The following NCALD variants were observed in gnomAD, a reference collection of about 807,000 sequenced individuals.
NCALD encodes the protein neurocalcin delta.
A neutral mutation model predicts 18.6 loss-of-function variants in NCALD; 10 were observed. The ratio of observed to expected loss-of-function variants is 0.54; its 90% CI spans 0.33 to 0.91. The LOEUF (loss-of-function observed/expected upper bound fraction) is 0.91. Ranked by LOEUF, NCALD falls within the 40% of genes least tolerant of loss-of-function variation. The probability of loss-of-function intolerance (pLI) is 0.03; values close to 1 mark genes in which losing one functional copy is unlikely to be tolerated. For synonymous variants in NCALD, 88 were observed against 87.4 expected (o/e 1.01, Z -0.04); for missense variants, 184 against 247.6 (o/e 0.74, Z 1.72).
chr8:101,787,405 G>C (rs896632456), intron 1 of NCALD, among the ~76,000 whole-genome samples: 1 of 152,112 alleles, frequency 6.6e-6, no homozygotes, highest in Non-Finnish European at 1.5e-5. Context: ...CGAGGGATTT[G>C]GATTGAATTT....
chr8:102,106,466 T>TATATATATATATATAC (rs1554598545), intron 1 of NCALD, among the ~76,000 whole-genome samples: 17 of 139,104 alleles, frequency 1.2e-4, no homozygotes, highest in African/African-American at 3.7e-4. Flanking sequence ...TATATATATA[T>TATATATATATATATAC]ACACACACAC....
intron 2 of NCALD, among the ~76,000 whole-genome samples, chr8:101,983,698 C>T (rs934080256): frequency 2.0e-5 from 3 of 152,200 alleles, no homozygotes; most frequent in African/African-American, 7.2e-5. Context: ...TTTTATGGAA[C>T]GTAGCAATGG....
intron 3 of NCALD, among the ~76,000 whole-genome samples, chr8:101,887,994 A>G (rs1160659792): frequency 1.3e-5 from 2 of 152,198 alleles, no homozygotes; most frequent in Admixed American, 1.3e-4. Context: ...GTTCAAGATC[A>G]TATATCTATC....
At chr8:101,705,403 C>T (rs532745143) in intron 2 of NCALD, among the ~76,000 whole-genome samples, 4 of 152,198 alleles carry the variant, frequency 2.6e-5, no homozygotes, top group South Asian at 2.1e-4. Context: ...AGGACCTGAT[C>T]GGAGGCAGGA....
chr8:102,108,694 C>T (rs1825552048), intron 1 of NCALD, among the ~76,000 whole-genome samples: 1 of 152,102 alleles, frequency 6.6e-6, no homozygotes, highest in African/African-American at 2.4e-5. Context: ...GTATTTCCCA[C>T]ATCTGACATA....
At chr8:101,820,796 C>G (rs1813689562) in intron 4 of NCALD, among the ~76,000 whole-genome samples, 1 of 152,166 alleles carries the variant, frequency 6.6e-6, no homozygotes, top group Admixed American at 6.5e-5. Context: ...CTTAACTTCT[C>G]CAAAACAATA....
chr8:102,069,037 G>A (rs1416932110), intron 1 of NCALD, among the ~76,000 whole-genome samples: 1 of 152,264 alleles, frequency 6.6e-6, no homozygotes, highest in East Asian at 1.9e-4. Flanking sequence ...TGAGGGGAGT[G>A]GAGGATGGGA....
chr8:102,102,308 C>T (rs1010268607), intron 1 of NCALD, among the ~76,000 whole-genome samples: 1 of 152,138 alleles, frequency 6.6e-6, no homozygotes, highest in Admixed American at 6.5e-5. Flanking sequence ...AATACGGCAA[C>T]GAGGAAAGCA....
At chr8:101,775,102 G>A (rs1342050913) in intron 1 of NCALD, among the ~76,000 whole-genome samples, 1 of 152,122 alleles carries the variant, frequency 6.6e-6, no homozygotes, top group Admixed American at 6.5e-5. Context: ...TACTGGCATC[G>A]GATCTCTTTG....
At chr8:101,880,944 T>A (rs1816469878) in intron 4 of NCALD, among the ~76,000 whole-genome samples, 1 of 152,190 alleles carries the variant, frequency 6.6e-6, no homozygotes, top group Non-Finnish European at 1.5e-5. Context: ...TCGAATGTCA[T>A]GAAAAGGACT....
intron 1 of NCALD, among the ~76,000 whole-genome samples, chr8:101,775,244 C>T (rs1379063268): frequency 6.6e-6 from 1 of 152,192 alleles, no homozygotes; most frequent in Non-Finnish European, 1.5e-5. Context: ...CAAGGCCTAA[C>T]ATAGTGCCTG....
intron 4 of NCALD, among the ~76,000 whole-genome samples, chr8:101,861,477 C>T (rs1815539920): frequency 6.6e-6 from 1 of 151,634 alleles, no homozygotes; most frequent in African/African-American, 2.4e-5. Context: ...GAACAAAGAC[C>T]TCATGAGAAA....
chr8:102,003,055 C>CA (rs767573337), intron 2 of NCALD, among the ~76,000 whole-genome samples: 2,834 of 150,636 alleles, frequency 0.019, 39 homozygotes, highest in South Asian at 0.05. Flanking sequence ...AACAGAGACA[C>CA]AAAAAAAAAC....
intron 1 of NCALD, among the ~76,000 whole-genome samples, chr8:102,022,608 A>C (rs1212958991): frequency 6.6e-6 from 1 of 152,142 alleles, no homozygotes; most frequent in East Asian, 1.9e-4. Flanking sequence ...AGGTTCCTGC[A>C]GTGTCCACTA....
chr8:102,120,494 A>G (rs1423408784), intron 1 of NCALD, among the ~76,000 whole-genome samples: 1 of 152,192 alleles, frequency 6.6e-6, no homozygotes, highest in Non-Finnish European at 1.5e-5. Context: ...GAGCTCTTCC[A>G]GCCATCCTAC....
intron 4 of NCALD, among the ~76,000 whole-genome samples, chr8:101,835,698 C>CTGTG (rs1243629679): frequency 6.6e-6 from 1 of 152,046 alleles, no homozygotes; most frequent in African/African-American, 2.4e-5. Flanking sequence ...GTATACCTAG[C>CTGTG]TGTGTGTGTG....
chr8:101,855,902 T>C (rs1168696338), intron 4 of NCALD, among the ~76,000 whole-genome samples: 1 of 152,210 alleles, frequency 6.6e-6, no homozygotes, highest in Non-Finnish European at 1.5e-5. Context: ...AAGGTCTTAG[T>C]AATCATTTTC....
intron 3 of NCALD, chr8:101,691,167 G>A: frequency 3.0e-6 from 3 of 985,426 alleles, no homozygotes; most frequent in Non-Finnish European, 2.4e-6. Context: ...CTGAGCTGAA[G>A]CACCCAGTCT....
chr8:102,106,598 G>A (rs1825463944), intron 1 of NCALD, among the ~76,000 whole-genome samples: 1 of 152,000 alleles, frequency 6.6e-6, no homozygotes, highest in Admixed American at 6.5e-5. Flanking sequence ...GTCCTGCACT[G>A]AACCTTCAGG....
Sources: gnomAD v4.1 joint callset for allele counts (sites outside exome capture counted in the v4.1 genomes callset) on GRCh38, gnomAD v4.1.1 for gene constraint, MANE v1.5 for transcripts, NCBI Gene and HGNC (gene_info 2026-07-23, HGNC 2026-07-21) for gene names.